GRM7: variants seen among roughly 807,000 people sequenced by gnomAD.
The protein encoded by GRM7 is metabotropic glutamate receptor 7.
Under a neutral mutation model 84.5 loss-of-function variants are expected in GRM7, and 35 were observed. That is an observed-to-expected ratio of 0.41 (90% CI 0.32 to 0.55). The LOEUF (loss-of-function observed/expected upper bound fraction) is 0.55. Ranked by LOEUF, GRM7 falls within the 20% of genes least tolerant of loss-of-function variation. The pLI, the probability that GRM7 is intolerant of heterozygous loss-of-function variation, is 0.19. For synonymous variants in GRM7, 487 were observed against 455.1 expected, an observed-to-expected ratio of 1.07 and a Z score of -0.89; for missense variants, 1,003 against 1,194.6, an observed-to-expected ratio of 0.84 and a Z score of 2.36.
At chr3:7,412,336 G>A (rs1014261292) in intron 4 of GRM7, among the ~76,000 whole-genome samples, 2 of 152,134 alleles carry the variant, frequency 1.3e-5, no homozygotes, top group African/African-American at 4.8e-5. Context: ...CACAGGAAGC[G>A]CCATCAATAT....
chr3:7,504,765 T>C (rs190112356), intron 7 of GRM7, among the ~76,000 whole-genome samples: 2 of 152,228 alleles, frequency 1.3e-5, no homozygotes, highest in Non-Finnish European at 2.9e-5. Flanking sequence ...AGGGATTCAA[T>C]TTTCAACAAA....
At chr3:7,310,568 G>C (rs1301205763) in intron 4 of GRM7, among the ~76,000 whole-genome samples, 2 of 152,086 alleles carry the variant, frequency 1.3e-5, no homozygotes, top group Non-Finnish European at 2.9e-5. Context: ...AAATGAGAAA[G>C]AAAATATTGC....
chr3:7,382,244 A>G (rs1237413688), intron 4 of GRM7, among the ~76,000 whole-genome samples: 1 of 152,146 alleles, frequency 6.6e-6, no homozygotes, highest in African/African-American at 2.4e-5. Context: ...TTATCAGGTA[A>G]TCTTATGAGC....
At position 6,895,716 on chromosome 3, in the gene GRM7, A is replaced by T. The variant is rs915365187; in HGVS notation, c.519+33809A>T. 2.2e-4 allele frequency among the ~76,000 whole-genome samples: 33 copies of T among 152,164 alleles called. 1 individual carries two copies. The highest frequency in any genetic ancestry group is 8.0e-4 in the African/African-American group (33 of 41,450). On this transcript the variant is annotated intron_variant, in intron 1 of 9. Transcript: ENST00000357716. ...ATCAGGCCATTATATTAGGTTAAGCAAAGTGGGAAAATGGCATAAGAATAT... is the reference window on the plus strand; with the variant it reads ...ATCAGGCCATTATATTAGGTTAAGCTAAGTGGGAAAATGGCATAAGAATAT...
intron 7 of GRM7, among the ~76,000 whole-genome samples, chr3:7,560,687 T>A (rs1306551586): frequency 1.3e-5 from 2 of 152,102 alleles, no homozygotes; most frequent in Non-Finnish European, 2.9e-5. Context: ...TGCTTCAGGA[T>A]CTTTGCATAC....
intron 9 of GRM7, among the ~76,000 whole-genome samples, chr3:7,684,971 TAAG>T (rs891405635): frequency 6.6e-6 from 1 of 152,220 alleles, no homozygotes; most frequent in Non-Finnish European, 1.5e-5. Flanking sequence ...CATTCCTGTC[TAAG>T]AAGAAGGGCA....
chr3:6,947,933 A>G (rs1487632937), intron 1 of GRM7, among the ~76,000 whole-genome samples: 1 of 150,118 alleles, frequency 6.7e-6, no homozygotes, highest in African/African-American at 2.5e-5. Flanking sequence ...CATCGATTTG[A>G]TTCTTCTCTC....
intron 2 of GRM7, among the ~76,000 whole-genome samples, chr3:7,276,203 ATATATGTGTGTGTGTGTG>A (rs1201488286): frequency 6.4e-5 from 8 of 124,762 alleles, no homozygotes; most frequent in Middle Eastern, 4.1e-3. Context: ...ATATATATAT[ATATATGTGTGTGTGTGTG>A]TGTGTGTGTG....
intron 1 of GRM7, among the ~76,000 whole-genome samples, chr3:6,938,870 C>CA (rs1228067423): frequency 6.6e-6 from 1 of 152,144 alleles, no homozygotes; most frequent in Non-Finnish European, 1.5e-5. Flanking sequence ...ATCTGAACCC[C>CA]AAAACTTGGG....
chr3:7,170,538 G>A (rs1167625873), intron 2 of GRM7, among the ~76,000 whole-genome samples: 1 of 152,112 alleles, frequency 6.6e-6, no homozygotes, highest in Admixed American at 6.5e-5. Context: ...TAATTTTGAA[G>A]CAAATTGTCA....
At chr3:7,320,681 A>AGTGTATGTGT (rs367833809) in intron 4 of GRM7, among the ~76,000 whole-genome samples, 2,943 of 141,240 alleles carry the variant, frequency 0.021, 96 homozygotes, top group African/African-American at 0.067. Flanking sequence ...GTGGGTGATC[A>AGTGTATGTGT]GTGTGTGTGT....
chr3:7,323,554 A>G (rs551648807), intron 4 of GRM7, among the ~76,000 whole-genome samples: 1 of 152,312 alleles, frequency 6.6e-6, no homozygotes, highest in Non-Finnish European at 1.5e-5. Context: ...ATTTTCTGCC[A>G]AATGGCCACA....
intron 1 of GRM7, among the ~76,000 whole-genome samples, chr3:6,979,653 T>C (rs979653500): frequency 1.4e-4 from 22 of 152,232 alleles, no homozygotes; most frequent in Non-Finnish European, 7.3e-5. Flanking sequence ...GGTCTATTAT[T>C]GATATAACCA....
At chr3:7,118,662 C>T (rs1693122525) in intron 1 of GRM7, among the ~76,000 whole-genome samples, 1 of 151,638 alleles carries the variant, frequency 6.6e-6, no homozygotes, top group East Asian at 1.9e-4. Context: ...CTGATTCCTC[C>T]TTTCTAGTAG....
chr3:7,266,405 G>A (rs2124969070), intron 2 of GRM7, among the ~76,000 whole-genome samples: 1 of 152,282 alleles, frequency 6.6e-6, no homozygotes, highest in Non-Finnish European at 1.5e-5. Flanking sequence ...GGTATGTGGA[G>A]TTACTCAGCG....
intron 2 of GRM7, among the ~76,000 whole-genome samples, chr3:7,238,997 C>CTTTTTTTTTTTTT (rs1559520012): frequency 7.3e-6 from 1 of 137,608 alleles, no homozygotes; most frequent in African/African-American, 2.7e-5. Context: ...TTCTTTTTTC[C>CTTTTTTTTTTTTT]TTTTTCTTTT....
At chr3:7,117,760 T>A (rs569122113) in intron 1 of GRM7, among the ~76,000 whole-genome samples, 1 of 152,324 alleles carries the variant, frequency 6.6e-6, no homozygotes, top group African/African-American at 2.4e-5. Context: ...GAGGCCTCCG[T>A]GTCATCATTG....
intron 1 of GRM7, among the ~76,000 whole-genome samples, chr3:6,876,923 T>C (rs1172262805): frequency 2.0e-5 from 3 of 152,134 alleles, no homozygotes; most frequent in Non-Finnish European, 4.4e-5. Flanking sequence ...TGAAGTTGTG[T>C]AACCCTACGA....
intron 4 of GRM7, among the ~76,000 whole-genome samples, chr3:7,355,736 C>T (rs1006750755): frequency 1.3e-5 from 2 of 151,956 alleles, no homozygotes; most frequent in African/African-American, 4.8e-5. Flanking sequence ...AAATGGAAGT[C>T]GTGTATCTGT....
Sources: allele counts gnomAD v4.1 joint callset (sites outside exome capture counted in the v4.1 genomes callset), GRCh38; gene constraint gnomAD v4.1.1; transcripts MANE v1.5; gene names NCBI Gene and HGNC (gene_info 2026-07-23, HGNC 2026-07-21).